The following RPS6KA2 variants were observed in gnomAD, a reference collection of about 807,000 sequenced individuals.
RPS6KA2 encodes the protein ribosomal protein S6 kinase A2.
RPS6KA2 carries 42 observed loss-of-function variants against 91.8 expected under a neutral mutation model. The ratio of observed to expected loss-of-function variants is 0.46; its 90% CI spans 0.36 to 0.59. The LOEUF (loss-of-function observed/expected upper bound fraction) is 0.59. Ranked by LOEUF, RPS6KA2 falls within the 20% of genes least tolerant of loss-of-function variation. The pLI, the probability that RPS6KA2 is intolerant of heterozygous loss-of-function variation, is 0.00. For synonymous variants in RPS6KA2, 414 were observed against 393.6 expected (o/e 1.05, Z -0.61); for missense variants, 798 against 978.5 (o/e 0.82, Z 2.46).
chr6:166,514,185 C>T (rs6926030), intron 3 of RPS6KA2, among the ~76,000 whole-genome samples: 13,529 of 152,238 alleles, frequency 0.089, 2,073 homozygotes, highest in African/African-American at 0.31. Context: ...AAATTCCTTC[C>T]TCCCCCACCT....
chr6:166,551,924 T>C (rs778734725), intron 1 of RPS6KA2, among the ~76,000 whole-genome samples: 2 of 152,202 alleles, frequency 1.3e-5, no homozygotes, highest in Non-Finnish European at 2.9e-5. Context: ...AGATAGGGTA[T>C]TTCAAGTGAG....
intron 3 of RPS6KA2, among the ~76,000 whole-genome samples, chr6:166,524,030 C>T (rs1328056880): frequency 6.6e-6 from 1 of 152,170 alleles, no homozygotes; most frequent in African/African-American, 2.4e-5. Flanking sequence ...CAAGCTCGGA[C>T]TGTGCTGCCT....
chr6:166,507,647 A>G (rs1384876277), intron 5 of RPS6KA2, among the ~76,000 whole-genome samples: 2 of 149,788 alleles, frequency 1.3e-5, no homozygotes, highest in Non-Finnish European at 3.0e-5. Flanking sequence ...CACACCACGC[A>G]CACCAACCCC....
chr6:166,559,453 G>A (rs1784276233), intron 1 of RPS6KA2, among the ~76,000 whole-genome samples: 1 of 152,166 alleles, frequency 6.6e-6, no homozygotes, highest in South Asian at 2.1e-4. Context: ...TCAGAGCCAA[G>A]CCAAATGAGG....
At chr6:166,553,501 A>C (rs1170839273) in intron 1 of RPS6KA2, among the ~76,000 whole-genome samples, 3 of 149,838 alleles carry the variant, frequency 2.0e-5, no homozygotes, top group African/African-American at 7.5e-5. Flanking sequence ...TTGGGAAAGA[A>C]ACAGGAGTCA....
At chr6:166,561,214 C>A (rs180854981) in intron 1 of RPS6KA2, among the ~76,000 whole-genome samples, 1 of 152,268 alleles carries the variant, frequency 6.6e-6, no homozygotes, top group East Asian at 1.9e-4. Context: ...GGAAGGCCAG[C>A]GGGCAGGAGC....
At chr6:166,456,508 T>C (rs1780111364) in intron 12 of RPS6KA2, among the ~76,000 whole-genome samples, 1 of 152,240 alleles carries the variant, frequency 6.6e-6, no homozygotes, top group Admixed American at 6.5e-5. Flanking sequence ...CATCTCGGGC[T>C]AAGCAGCATG....
intron 3 of RPS6KA2, among the ~76,000 whole-genome samples, chr6:166,521,840 C>G (rs148074445): frequency 1.5e-3 from 232 of 152,298 alleles, no homozygotes; most frequent in African/African-American, 5.3e-3. Flanking sequence ...ATGTTCCCCC[C>G]ACTAAATTCA....
intron 12 of RPS6KA2, among the ~76,000 whole-genome samples, chr6:166,453,197 TCACA>T (rs149702729): frequency 0.025 from 3,485 of 141,168 alleles, 116 homozygotes; most frequent in African/African-American, 0.083. Flanking sequence ...TGAGACTCCA[TCACA>T]CACACACACA....
At chr6:166,440,623 GAGAACGA>G (rs1392291986) in intron 14 of RPS6KA2, among the ~76,000 whole-genome samples, 2 of 152,202 alleles carry the variant, frequency 1.3e-5, no homozygotes, top group Admixed American at 6.5e-5. Context: ...ACAACTGTTT[GAGAACGA>G]AGTTAACATC....
chr6:166,678,965 G>C (rs1788698963), intron 2 of RPS6KA2, among the ~76,000 whole-genome samples: 1 of 152,074 alleles, frequency 6.6e-6, no homozygotes, highest in Non-Finnish European at 1.5e-5. Context: ...GACTTTTTTT[G>C]ATCATGGTCA....
chr6:166,616,120 C>A (rs1487809844), intron 1 of RPS6KA2, among the ~76,000 whole-genome samples: 1 of 152,064 alleles, frequency 6.6e-6, no homozygotes, highest in African/African-American at 2.4e-5. Flanking sequence ...TCAGACCACA[C>A]CCCGGCTGAC....
intron 19 of RPS6KA2, among the ~76,000 whole-genome samples, chr6:166,415,361 C>T (rs143920381): frequency 8.2e-4 from 125 of 152,302 alleles, no homozygotes; most frequent in African/African-American, 2.9e-3. Flanking sequence ...AGTATTTTTA[C>T]TTCATACCTG....
At chr6:166,472,007 C>G (rs932430670) in intron 10 of RPS6KA2, among the ~76,000 whole-genome samples, 9 of 152,244 alleles carry the variant, frequency 5.9e-5, no homozygotes, top group African/African-American at 2.2e-4. Context: ...CAGCCCTCCC[C>G]AAGCGCCCAT....
At chr6:166,565,071 G>A (rs1435421074) in intron 1 of RPS6KA2, among the ~76,000 whole-genome samples, 1 of 152,184 alleles carries the variant, frequency 6.6e-6, no homozygotes, top group Non-Finnish European at 1.5e-5. Context: ...TTGGCGAAGT[G>A]GAGATGGCTG....
intron 2 of RPS6KA2, among the ~76,000 whole-genome samples, chr6:166,811,155 G>A (rs1162444162): frequency 6.6e-6 from 1 of 152,176 alleles, no homozygotes; most frequent in African/African-American, 2.4e-5. Context: ...CCAAGAGATG[G>A]ACAAATTGAT....
At position 166,531,274 on chromosome 6, in the gene RPS6KA2, G is replaced by T. The variant is rs749436925; in HGVS notation, c.256C>A (p.Gln86Lys). 2.5e-6 allele frequency: 4 copies of T among 1,613,948 alleles called. No homozygotes were observed. Among genetic ancestry groups the T allele is most frequent in the Middle Eastern group, 1.6e-4 (1 of 6,082 alleles). ...TTAAGGACCTTCATGGCGTAGAGCT[G>T]CCCAGCGTCGGACCCCTTCACCTTC... is the stretch of plus-strand genomic sequence containing the variant. ...VRKVKGSDAG[Q>K]LYAMKVLKKA... The change falls in exon 3 of 21, where the codon CAG becomes AAG. Residue 86 changes from glutamine to lysine, a missense_variant. Gln to Lys is a moderately conservative substitution (Grantham distance 53). Coordinates refer to ENST00000265678, the MANE Select transcript of RPS6KA2 (RefSeq NM_021135.6).
At chr6:166,581,342 T>C (rs1333235592) in intron 1 of RPS6KA2, among the ~76,000 whole-genome samples, 2 of 152,224 alleles carry the variant, frequency 1.3e-5, no homozygotes, top group Admixed American at 1.3e-4. Context: ...CGACAGCACC[T>C]GGGCTCCAGC....
chr6:166,823,988 G>A (rs777737511), intron 2 of RPS6KA2, among the ~76,000 whole-genome samples: 4 of 152,148 alleles, frequency 2.6e-5, no homozygotes, highest in Non-Finnish European at 5.9e-5. Flanking sequence ...AAAAGTTTAT[G>A]CTCTCCATGT....
Sources: gnomAD v4.1 joint callset for allele counts (sites outside exome capture counted in the v4.1 genomes callset) on GRCh38, gnomAD v4.1.1 for gene constraint, MANE v1.5 for transcripts, NCBI Gene and HGNC (gene_info 2026-07-23, HGNC 2026-07-21) for gene names.